The following MCF2L variants were observed in gnomAD, a reference collection of about 807,000 sequenced individuals.
MCF2L encodes guanine nucleotide exchange factor DBS.
Under a neutral mutation model 153.4 loss-of-function variants are expected in MCF2L, and 97 were observed. That is an observed-to-expected ratio of 0.63 (90% CI 0.54 to 0.75). MCF2L has a LOEUF of 0.75. MCF2L is among the 30% of genes least tolerant of loss of function. MCF2L has a pLI of 0.00. For synonymous variants in MCF2L, 659 were observed against 632.2 expected, an observed-to-expected ratio of 1.04 and a Z score of -0.64; for missense variants, 1,347 against 1,495.2, an observed-to-expected ratio of 0.90 and a Z score of 1.64.
chr13:113,094,900 G>A (rs1424343179), intron 27 of MCF2L: 1 of 1,249,180 alleles, frequency 8.0e-7, no homozygotes, highest in Non-Finnish European at 1.1e-6. Context: ...CTGGGTCTTA[G>A]GATGCAGCCC....
chr13:113,065,186 CG>C, intron 7 of MCF2L, 101 bp downstream of exon 7: 1 of 1,450,730 alleles, frequency 6.9e-7, no homozygotes. Flanking sequence ...TTCGTCCCAG[CG>C]GGAGTTTGTG....
intron 1 of MCF2L, among the ~76,000 whole-genome samples, chr13:112,973,644 G>A (rs887727123): frequency 3.9e-5 from 6 of 152,342 alleles, no homozygotes; most frequent in South Asian, 2.1e-4. Flanking sequence ...CGAAGACGGC[G>A]CGAGCACGGC....
chr13:112,987,348 C>T lies in MCF2L; in HGVS notation c.79+17890C>T, dbSNP rs564029744. 4.8e-5 allele frequency among the ~76,000 whole-genome samples: 4 copies of T among 84,184 alleles called. No homozygotes were observed. In the South Asian group the frequency reaches 1.5e-3, roughly 32 times the overall value. 55.2% of individuals were successfully genotyped at this position (84,184 alleles called of 152,430 possible). ...GCAGCCCAGGGCTCGTTGTCTGCCC[C>T]CTGATCCACCCAGCACAAGGTCAGC... On this transcript the variant is annotated intron_variant, in intron 1 of 29. Coordinates refer to ENST00000535094, the MANE Select transcript of MCF2L (RefSeq NM_001112732.3).
intron 1 of MCF2L, among the ~76,000 whole-genome samples, chr13:112,895,931 G>A (rs1347215177): frequency 4.6e-5 from 7 of 152,198 alleles, no homozygotes; most frequent in Admixed American, 3.9e-4. Flanking sequence ...TCCACATTGG[G>A]TATCCCCAAG....
In MCF2L at chr13:112,904,708, G is replaced by A. The variant is rs75088465; in HGVS notation, c.169+2337G>A. Among the ~76,000 whole-genome samples the A allele has an allele frequency of 1.1e-3, 169 of 152,310 alleles. 1 individual carries two copies. In the East Asian group the frequency reaches 0.02, roughly 18 times the overall value. On this transcript the variant is annotated intron_variant, in intron 2 of 29. Transcript: ENST00000375608. The surrounding 1 kb of genome is among the most constrained non-coding windows in gnomAD (Gnocchi z 4.2). ...AAGCCCTTCTGGCTGTCCTTGCCTC[G>A]TCTGCTCTGTGGAAAGAGAAGCGCA...
At chr13:112,982,929 T>G (rs1440370546) in intron 1 of MCF2L, among the ~76,000 whole-genome samples, 2 of 151,964 alleles carry the variant, frequency 1.3e-5, no homozygotes, top group Non-Finnish European at 2.9e-5. Context: ...GGAAGAACCC[T>G]CAGGAGCTGG....
intron 5 of MCF2L, among the ~76,000 whole-genome samples, chr13:113,061,214 T>G (rs2031353660): frequency 6.6e-6 from 1 of 152,106 alleles, no homozygotes; most frequent in Non-Finnish European, 1.5e-5. Flanking sequence ...GGGTGACCCC[T>G]GCCCCATCGC....
chr13:113,005,633 T>C (rs2083645115), intron 1 of MCF2L, among the ~76,000 whole-genome samples: 1 of 152,106 alleles, frequency 6.6e-6, no homozygotes, highest in Non-Finnish European at 1.5e-5. Flanking sequence ...CAGTTCATGG[T>C]GGCTGTGACC....
intron 2 of MCF2L, among the ~76,000 whole-genome samples, chr13:112,905,733 CTGAG>C (rs2081166376): frequency 6.6e-6 from 1 of 152,188 alleles, no homozygotes; most frequent in Non-Finnish European, 1.5e-5. Flanking sequence ...CTTTTTAAGG[CTGAG>C]TAATATTCCA....
At chr13:113,012,637 G>A (rs1251435403) in intron 1 of MCF2L, among the ~76,000 whole-genome samples, 2 of 111,880 alleles carry the variant, frequency 1.8e-5, no homozygotes, top group African/African-American at 3.2e-5. Context: ...CGGTGTGGAC[G>A]GTGGACACTG....
Position 113,099,591 on chromosome 13 carries a change from C to T in MCF2L, c.*2732C>T, listed in dbSNP as rs2035840198. 1 of 152,154 alleles carries T rather than the reference C, an allele frequency of 6.6e-6. No homozygotes were observed. Among genetic ancestry groups the T allele is most frequent in the African/African-American group, 2.4e-5 (1 of 41,428 alleles). 9.4% of individuals were successfully genotyped at this position (152,154 alleles called of 1,614,324 possible). A position where few individuals can be genotyped will look rare whatever the true frequency, so the allele number is the denominator to read the frequency against. ...GTAACCCAAAGAAAGTATTTAAATA[C>T]TTCTGTCAATTAGGACAGTTGAGAA... is the stretch of plus-strand genomic sequence containing the variant. On this transcript the variant is annotated 3_prime_UTR_variant, in exon 30 of 30. Coordinates refer to ENST00000535094, the MANE Select transcript of MCF2L (RefSeq NM_001112732.3).
chr13:112,951,509 A>G lies in MCF2L; in HGVS notation c.169+49138A>G, dbSNP rs1053861326. 1.3e-5 allele frequency among the ~76,000 whole-genome samples: 2 copies of G among 152,228 alleles called. No homozygotes were observed. Among genetic ancestry groups the G allele is most frequent in the Admixed American group, 6.5e-5 (1 of 15,276 alleles). ...TACGTCCGCACCATGAACTATTGAT[A>G]CCTGTGACAACCTGGATGAACTCTC... On this transcript the variant is annotated intron_variant, in intron 2 of 29. Transcript: ENST00000375608. The surrounding 1 kb of genome is among the most constrained non-coding windows in gnomAD (Gnocchi z 4.8).
chr13:112,970,275 A>G (rs535316919), intron 1 of MCF2L, among the ~76,000 whole-genome samples: 2 of 152,310 alleles, frequency 1.3e-5, no homozygotes, highest in East Asian at 1.9e-4. Flanking sequence ...TCTAACTAGT[A>G]CTTGCCTGGG....
At chr13:112,994,292 G>A (rs543388062) in intron 1 of MCF2L, among the ~76,000 whole-genome samples, 252 of 152,070 alleles carry the variant, frequency 1.7e-3, no homozygotes, top group African/African-American at 6.0e-3. Context: ...GTGACGGGGC[G>A]CGGCGCGTGG....
chr13:113,056,065 A>T (rs562252193), intron 4 of MCF2L, among the ~76,000 whole-genome samples: 8 of 152,360 alleles, frequency 5.3e-5, no homozygotes, highest in African/African-American at 1.9e-4. Flanking sequence ...CGCAATGCAG[A>T]TGAAGCAGAG....
intron 3 of MCF2L, among the ~76,000 whole-genome samples, chr13:113,029,020 C>T (rs1000411374): frequency 6.6e-6 from 1 of 151,928 alleles, no homozygotes; most frequent in Non-Finnish European, 1.5e-5. Context: ...TGAGTGTATG[C>T]GTGCATTCTA....
At chr13:112,902,937 T>G (rs1451034071) in intron 2 of MCF2L, among the ~76,000 whole-genome samples, 2 of 152,168 alleles carry the variant, frequency 1.3e-5, no homozygotes, top group South Asian at 2.1e-4. Context: ...AGACAATGCT[T>G]CTCTCTCCAG....
At chr13:112,912,322 CTT>C (rs879287456) in intron 2 of MCF2L, among the ~76,000 whole-genome samples, 5 of 146,078 alleles carry the variant, frequency 3.4e-5, no homozygotes, top group African/African-American at 7.5e-5. Context: ...TAATTTATTC[CTT>C]TTTTTTTTTT....
At chr13:113,090,331 T>C in intron 26 of MCF2L, 2 of 1,196,048 alleles carry the variant, frequency 1.7e-6, no homozygotes, top group South Asian at 3.2e-5. Flanking sequence ...CCAGAGTTAT[T>C]TAGAGGTGGC....
Sources: allele counts gnomAD v4.1 joint callset (sites outside exome capture counted in the v4.1 genomes callset), GRCh38; gene constraint gnomAD v4.1.1; non-coding constraint Gnocchi (gnomAD v3.1); transcripts MANE v1.5; gene names NCBI Gene and HGNC (gene_info 2026-07-23, HGNC 2026-07-21).